The following MAMDC2 variants were observed in gnomAD, a reference collection of about 807,000 sequenced individuals.
MAMDC2 encodes MAM domain-containing protein 2.
In MAMDC2, 57 loss-of-function variants were observed where a neutral mutation model predicts 89.8. The ratio of observed to expected loss-of-function variants is 0.63; its 90% CI spans 0.51 to 0.79. MAMDC2 has a LOEUF of 0.79. Ranked by LOEUF, MAMDC2 falls within the 30% of genes least tolerant of loss-of-function variation. MAMDC2 has a pLI of 0.00. For synonymous variants in MAMDC2, 313 were observed against 293.4 expected, an observed-to-expected ratio of 1.07 and a Z score of -0.68; for missense variants, 800 against 820.6, an observed-to-expected ratio of 0.97 and a Z score of 0.31.
At chr9:70,109,843 C>G in intron 4 of MAMDC2, 39 bp downstream of exon 4, 1 of 1,547,210 alleles carries the variant, frequency 6.5e-7, no homozygotes, top group Middle Eastern at 1.7e-4. Context: ...AATTGTGAAT[C>G]TTTTTCTAAA....
intron 11 of MAMDC2, among the ~76,000 whole-genome samples, chr9:70,173,056 A>C (rs1057104302): frequency 6.6e-6 from 1 of 152,034 alleles, no homozygotes; most frequent in African/African-American, 2.4e-5. Flanking sequence ...CAGGGATTAA[A>C]ACTGTGTCCT....
chr9:70,222,491 A>G (rs2118700251), intron 12 of MAMDC2, among the ~76,000 whole-genome samples: 1 of 152,230 alleles, frequency 6.6e-6, no homozygotes, highest in South Asian at 2.1e-4. Flanking sequence ...TATGGGGAAA[A>G]TATGTGGGTG....
chr9:70,160,160 C>T (rs1349343048), intron 9 of MAMDC2, among the ~76,000 whole-genome samples: 3 of 151,878 alleles, frequency 2.0e-5, no homozygotes, highest in African/African-American at 7.3e-5. Flanking sequence ...TGCAGTGAGC[C>T]GTGATTGCGC....
At chr9:70,045,667 C>G (rs1173975361) in intron 2 of MAMDC2, among the ~76,000 whole-genome samples, 1 of 152,206 alleles carries the variant, frequency 6.6e-6, no homozygotes, top group African/African-American at 2.4e-5. Flanking sequence ...ACTGTCACCA[C>G]AGCTCACTCT....
chr9:70,198,181 T>C (rs112325047), intron 11 of MAMDC2, among the ~76,000 whole-genome samples: 1,635 of 145,010 alleles, frequency 0.011, 26 homozygotes, highest in African/African-American at 0.039. Flanking sequence ...TATATATATA[T>C]ACACACACAC....
chr9:70,159,202 G>A (rs985241271), intron 9 of MAMDC2, among the ~76,000 whole-genome samples: 4 of 152,130 alleles, frequency 2.6e-5, no homozygotes, highest in South Asian at 2.1e-4. Flanking sequence ...AAAAGGAAGC[G>A]CTCAAACATG....
chr9:70,117,809 A>T (rs1237675846), intron 5 of MAMDC2, among the ~76,000 whole-genome samples: 1 of 152,148 alleles, frequency 6.6e-6, no homozygotes, highest in Non-Finnish European at 1.5e-5. Flanking sequence ...TTATTTCAGG[A>T]TTTCTCACCA....
At chr9:70,078,154 A>T (rs1462088660) in intron 2 of MAMDC2, among the ~76,000 whole-genome samples, 1 of 152,228 alleles carries the variant, frequency 6.6e-6, no homozygotes, top group African/African-American at 2.4e-5. Context: ...TTGCTTTTGC[A>T]AAATCATCTT....
chr9:70,103,887 TAGG>T (rs1828263704), intron 2 of MAMDC2, among the ~76,000 whole-genome samples: 2 of 151,232 alleles, frequency 1.3e-5, no homozygotes, highest in African/African-American at 4.9e-5. Flanking sequence ...GAGACTGAGG[TAGG>T]AGAATTGCTT....
chr9:70,116,299 T>G (rs1482814297), intron 5 of MAMDC2, among the ~76,000 whole-genome samples: 1 of 152,228 alleles, frequency 6.6e-6, no homozygotes, highest in East Asian at 1.9e-4. Context: ...CATTTGCTTG[T>G]GTTACCTGAG....
At chr9:70,204,899 C>A (rs544532990) in intron 11 of MAMDC2, among the ~76,000 whole-genome samples, 1 of 152,208 alleles carries the variant, frequency 6.6e-6, no homozygotes, top group Admixed American at 6.5e-5. Flanking sequence ...AGGCAATGCC[C>A]CGCCCTGCTT....
chr9:70,043,638 A>T (rs1339876176), upstream of MAMDC2: 1 of 155,122 alleles, frequency 6.4e-6, no homozygotes, highest in Non-Finnish European at 1.4e-5. Flanking sequence ...TGGGGAGAAG[A>T]AGTTAAAATT....
At chr9:70,113,462 T>C (rs186853947) in intron 5 of MAMDC2, among the ~76,000 whole-genome samples, 2 of 152,344 alleles carry the variant, frequency 1.3e-5, no homozygotes, top group Admixed American at 6.5e-5. Context: ...TATTTCTCAT[T>C]TCTAAAGACA....
intron 11 of MAMDC2, among the ~76,000 whole-genome samples, chr9:70,179,193 C>A (rs569316170): frequency 2.0e-5 from 3 of 152,232 alleles, no homozygotes; most frequent in African/African-American, 7.2e-5. Context: ...CATTGGAGAT[C>A]TATCTCTAGC....
In MAMDC2 at chr9:70,126,187, T is replaced by G. The variant is rs879197751; in HGVS notation, c.672T>G (p.Tyr224Ter). The change falls in exon 6 of 14, where the codon TAT becomes TAG. Residue 224 changes from tyrosine (Y) to a stop codon, truncating the protein, a stop_gained. Coordinates refer to ENST00000377182, the MANE Select transcript of MAMDC2 (RefSeq NM_153267.5). LOFTEE classifies it high-confidence loss of function. ...ACTACATGTACGTGGACTCAGTTTA[T>G]GTGAAGCACTTCCAGGAGGTGGCAC... ...LGHYMYVDSV[Y>*]VKHFQEVAQL... The G allele has an allele frequency of 4.3e-6, 7 of 1,613,968 alleles. No homozygotes were observed. The highest frequency in any genetic ancestry group is 2.7e-5 in the African/African-American group (2 of 74,982).
chr9:70,205,398 A>G (rs2033204305), intron 11 of MAMDC2, among the ~76,000 whole-genome samples: 1 of 152,210 alleles, frequency 6.6e-6, no homozygotes, highest in Non-Finnish European at 1.5e-5. Flanking sequence ...CACCTTCTAC[A>G]ATTGTTCTTC....
chr9:70,131,629 T>C lies in MAMDC2; in HGVS notation c.994+17T>C, dbSNP rs765626295. ...ATCAGACAGGTGAGCATTCTCTATTTGTCATTGCATTTTGGGATGTTCCTG... is the reference window on the plus strand; with the variant it reads ...ATCAGACAGGTGAGCATTCTCTATTCGTCATTGCATTTTGGGATGTTCCTG... On this transcript the variant is annotated intron_variant, in intron 7 of 13. Transcript: ENST00000377182. 7.0e-6 allele frequency: 11 copies of C among 1,567,608 alleles called. No individual in the cohort carries two copies. The highest frequency in any genetic ancestry group is 9.6e-6 in the Non-Finnish European group (11 of 1,146,430).
At chr9:70,200,686 A>G (rs1458745037) in intron 11 of MAMDC2, among the ~76,000 whole-genome samples, 3 of 138,886 alleles carry the variant, frequency 2.2e-5, no homozygotes, top group Admixed American at 7.3e-5. Flanking sequence ...ACCCATGAGC[A>G]TGGAATGTTC....
At chr9:70,203,521 A>T (rs2033151173) in intron 11 of MAMDC2, among the ~76,000 whole-genome samples, 1 of 135,726 alleles carries the variant, frequency 7.4e-6, no homozygotes, top group Admixed American at 7.9e-5. Flanking sequence ...GGTGAATCTG[A>T]CATTTATGTG....
Sources: gnomAD v4.1 joint callset for allele counts (sites outside exome capture counted in the v4.1 genomes callset) on GRCh38, gnomAD v4.1.1 for gene constraint, MANE v1.5 for transcripts, NCBI Gene and HGNC (gene_info 2026-07-23, HGNC 2026-07-21) for gene names.